Variants in EFCAB6 observed in about 807,000 individuals in gnomAD.
EFCAB6 encodes the protein EF-hand calcium binding domain 6.
In EFCAB6, 156 loss-of-function variants were observed where a neutral mutation model predicts 169.8. That is an observed-to-expected ratio of 0.92 (90% CI 0.81 to 1.05). The LOEUF (loss-of-function observed/expected upper bound fraction) is 1.05. Ranked by LOEUF, EFCAB6 falls within the 50% of genes least tolerant of loss-of-function variation. EFCAB6 has a pLI of 0.00. For missense variants in EFCAB6, 1,800 were observed against 1,829.1 expected, an observed-to-expected ratio of 0.98 and a Z score of 0.29; for synonymous variants, 698 against 676.4, an observed-to-expected ratio of 1.03 and a Z score of -0.50.
At chr22:43,575,358 G>GTTTTTTTTTT (rs34543550) in intron 26 of EFCAB6, among the ~76,000 whole-genome samples, 4 of 104,836 alleles carry the variant, frequency 3.8e-5, no homozygotes, top group African/African-American at 3.9e-5. Context: ...ATCCGGCTAT[G>GTTTTTTTTTT]TTTTTTTTTT....
intron 26 of EFCAB6, among the ~76,000 whole-genome samples, chr22:43,556,416 C>A (rs999690581): frequency 1.3e-5 from 2 of 152,142 alleles, no homozygotes; most frequent in Non-Finnish European, 2.9e-5. Flanking sequence ...GGTGACCACA[C>A]AAGAAAGCTG....
At chr22:43,554,516 T>C in intron 27 of EFCAB6, 1 of 229,172 alleles carries the variant, frequency 4.4e-6, no homozygotes, top group East Asian at 1.0e-4. Context: ...ACATTCTTTT[T>C]ACTGCCTGCG....
intron 6 of EFCAB6, among the ~76,000 whole-genome samples, chr22:43,749,986 G>C (rs1229013581): frequency 1.3e-5 from 2 of 152,190 alleles, no homozygotes; most frequent in African/African-American, 4.8e-5. Context: ...CACTCAGAGA[G>C]TCCGTGTTGG....
chr22:43,632,012 C>T, intron 19 of EFCAB6, 93 bp downstream of exon 19: 1 of 1,520,544 alleles, frequency 6.6e-7, no homozygotes, highest in Non-Finnish European at 8.9e-7. Context: ...CTGACTGGGA[C>T]ATGACCTACA....
At chr22:43,582,729 C>T (rs957780470) in intron 24 of EFCAB6, among the ~76,000 whole-genome samples, 31 of 151,988 alleles carry the variant, frequency 2.0e-4, no homozygotes, top group African/African-American at 7.5e-4. Context: ...ACCAGGTTAT[C>T]AGATACAGAT....
At chr22:43,671,521 G>A (rs960335204) in intron 15 of EFCAB6, among the ~76,000 whole-genome samples, 16 of 152,220 alleles carry the variant, frequency 1.1e-4, no homozygotes, top group South Asian at 4.1e-4. Context: ...CAACTCACAC[G>A]CACAAAATGT....
At chr22:43,768,219 G>A (rs1000572513) in intron 4 of EFCAB6, among the ~76,000 whole-genome samples, 5 of 152,132 alleles carry the variant, frequency 3.3e-5, no homozygotes, top group African/African-American at 1.2e-4. Flanking sequence ...ACAAAGGTAC[G>A]GAGCAGATTG....
At chr22:43,665,195 A>G (rs532639135) in intron 17 of EFCAB6, among the ~76,000 whole-genome samples, 1 of 152,308 alleles carries the variant, frequency 6.6e-6, no homozygotes, top group South Asian at 2.1e-4. Context: ...AGGTAGGTGC[A>G]TGAGACTGAC....
chr22:43,773,135 T>C lies in EFCAB6; in HGVS notation c.140-32A>G, dbSNP rs371610806. 6.9e-5 allele frequency: 111 copies of C among 1,607,558 alleles called. 1 individual carries two copies. The highest frequency in any genetic ancestry group is 5.9e-4 in the South Asian group (53 of 90,540). On this transcript the variant is annotated intron_variant, in intron 3 of 31. Coordinates refer to ENST00000262726, the MANE Select transcript of EFCAB6 (RefSeq NM_022785.4). ...AAGAGATACAGCTATTTATTAAACA[T>C]GTTTAAAGCCAAGATACTAAACAGA...
intron 21 of EFCAB6, 132 bp from the exon 22 acceptor site, chr22:43,608,732 A>G (rs2053097968): frequency 2.5e-6 from 2 of 784,730 alleles, no homozygotes; most frequent in Admixed American, 2.3e-5. Context: ...ATCACCTTTT[A>G]ATCTACGTTC....
At chr22:43,643,902 C>T (rs997177961) in intron 17 of EFCAB6, among the ~76,000 whole-genome samples, 5 of 151,982 alleles carry the variant, frequency 3.3e-5, no homozygotes, top group African/African-American at 1.2e-4. Flanking sequence ...CGGCTCACTG[C>T]AAGCTCTGCC....
chr22:43,737,756 C>G (rs1322876435), intron 6 of EFCAB6, among the ~76,000 whole-genome samples: 1 of 151,658 alleles, frequency 6.6e-6, no homozygotes, highest in Non-Finnish European at 1.5e-5. Flanking sequence ...CAGATACAGG[C>G]ATACACACCA....
intron 27 of EFCAB6, among the ~76,000 whole-genome samples, chr22:43,551,426 A>C (rs1350141651): frequency 6.6e-6 from 1 of 152,274 alleles, no homozygotes; most frequent in Non-Finnish European, 1.5e-5. Flanking sequence ...CTTTAGCACG[A>C]ACCTAATATT....
At chr22:43,689,931 C>G (rs763417096) in intron 10 of EFCAB6, among the ~76,000 whole-genome samples, 4 of 152,234 alleles carry the variant, frequency 2.6e-5, no homozygotes, top group Non-Finnish European at 5.9e-5. Context: ...GATCTGCTCA[C>G]GTTTTTATCC....
At chr22:43,681,291 A>G (rs1346187053) in intron 12 of EFCAB6, among the ~76,000 whole-genome samples, 2 of 152,238 alleles carry the variant, frequency 1.3e-5, no homozygotes, top group Non-Finnish European at 2.9e-5. Context: ...CAACTTTGCA[A>G]TCCTGGGATA....
chr22:43,608,787 G>A (rs939318444), intron 21 of EFCAB6, among the ~76,000 whole-genome samples, 187 bp from the exon 22 acceptor site: 8 of 152,158 alleles, frequency 5.3e-5, no homozygotes, highest in Non-Finnish European at 7.3e-5. Context: ...AGAGCAAAAC[G>A]GAAATGAGAA....
At chr22:43,726,095 G>A (rs1212340805) in intron 8 of EFCAB6, among the ~76,000 whole-genome samples, 1 of 151,830 alleles carries the variant, frequency 6.6e-6, no homozygotes, top group African/African-American at 2.4e-5. Context: ...AATCAAAGAC[G>A]CCTTTCATTT....
rs560884334 is a variant in EFCAB6, at chr22:43,569,909, A to T, written c.3420+6388T>A. 2.6e-5 allele frequency among the ~76,000 whole-genome samples: 4 copies of T among 152,394 alleles called. No individual in the cohort carries two copies. The East Asian group carries it at 7.7e-4, about 29-fold the overall frequency. On this transcript the variant is annotated intron_variant, in intron 26 of 31. Coordinates refer to ENST00000262726, the MANE Select transcript of EFCAB6 (RefSeq NM_022785.4). Reference sequence around the variant, plus strand: ...TTAATAATTTACTTAATTTATTTACAATTATCTTAGAGCCCTTTCCTGAAA... The same window carrying T: ...TTAATAATTTACTTAATTTATTTACTATTATCTTAGAGCCCTTTCCTGAAA...
At chr22:43,756,136 G>A (rs191669190) in intron 5 of EFCAB6, among the ~76,000 whole-genome samples, 2 of 151,422 alleles carry the variant, frequency 1.3e-5, no homozygotes, top group Non-Finnish European at 2.9e-5. Flanking sequence ...CACAAGCCTC[G>A]TCCCATTTAA....
Sources: allele counts gnomAD v4.1 joint callset (sites outside exome capture counted in the v4.1 genomes callset), GRCh38; gene constraint gnomAD v4.1.1; transcripts MANE v1.5; gene names NCBI Gene and HGNC (gene_info 2026-07-23, HGNC 2026-07-21).